The following TMIGD2 variants were observed in gnomAD, a reference collection of about 807,000 sequenced individuals.
The protein encoded by TMIGD2 is transmembrane and immunoglobulin domain-containing protein 2.
A neutral mutation model predicts 22.6 loss-of-function variants in TMIGD2; 18 were observed. That is an observed-to-expected ratio of 0.80 (90% CI 0.55 to 1.18). The LOEUF (loss-of-function observed/expected upper bound fraction) is 1.18. Among genes scored for constraint, TMIGD2 ranks in the 50% most tolerant of loss-of-function variants. The pLI is 0.00. For missense variants in TMIGD2, 361 were observed against 378.2 expected (o/e 0.95, Z 0.38); for synonymous variants, 184 against 154.1 (o/e 1.19, Z -1.44).
intron 2 of TMIGD2, among the ~76,000 whole-genome samples, chr19:4,295,509 A>G (rs1018622676): frequency 6.6e-6 from 1 of 151,470 alleles, no homozygotes; most frequent in Non-Finnish European, 1.5e-5. Flanking sequence ...GCAGTGAGCC[A>G]AGATCGAGCC....
chr19:4,299,180 T>G (rs144443874), intron 1 of TMIGD2, among the ~76,000 whole-genome samples: 1 of 152,086 alleles, frequency 6.6e-6, no homozygotes, highest in Non-Finnish European at 1.5e-5. Context: ...GGTCTGGCTC[T>G]ATAGTCCAGG....
intron 4 of TMIGD2, among the ~76,000 whole-genome samples, chr19:4,293,338 G>A (rs1029896587): frequency 1.4e-5 from 2 of 142,516 alleles, no homozygotes; most frequent in African/African-American, 5.4e-5. Context: ...TCAGCTCACT[G>A]CAGTCTCCAC....
chr19:4,296,549 T>C (rs1971462826), intron 2 of TMIGD2, among the ~76,000 whole-genome samples: 1 of 152,178 alleles, frequency 6.6e-6, no homozygotes, highest in South Asian at 2.1e-4. Context: ...TGTGTGGGGT[T>C]GGACCCGCGC....
chr19:4,298,210 T>G (rs745372491), exon 2 of TMIGD2: 1 of 1,613,230 alleles, frequency 6.2e-7, no homozygotes, highest in Non-Finnish European at 8.5e-7. Context: ...GGCCCCATCC[T>G]TTGTCCACTT....
intron 1 of TMIGD2, among the ~76,000 whole-genome samples, chr19:4,301,029 G>A (rs925946283): frequency 6.6e-6 from 1 of 152,194 alleles, no homozygotes; most frequent in African/African-American, 2.4e-5. Flanking sequence ...TGGGAGTGCA[G>A]TGGTGTGATC....
At chr19:4,298,759 A>C (rs955381948) in intron 1 of TMIGD2, among the ~76,000 whole-genome samples, 5 of 152,016 alleles carry the variant, frequency 3.3e-5, no homozygotes, top group South Asian at 2.1e-4. Context: ...TAAAAAAAAA[A>C]CCAAAGAACC....
At chr19:4,293,585 A>C (rs1317398075) in intron 4 of TMIGD2, among the ~76,000 whole-genome samples, 1 of 148,542 alleles carries the variant, frequency 6.7e-6, no homozygotes. Flanking sequence ...TTAATTTCAA[A>C]CTGTCTTTTT....
rs1971418169 is a variant in TMIGD2 at position 4,293,675 on chromosome 19, C to T, written c.563-790G>A. On this transcript the variant is annotated intron_variant, in intron 4 of 4. Transcript: ENST00000301272. ...ACAGTGGGGAAACTATAGCTCACTG[C>T]AGCCTCCGCCTCCCAGGTTCAAGCA... 2.0e-5 allele frequency among the ~76,000 whole-genome samples: 3 copies of T among 151,784 alleles called. No homozygotes were observed. The South Asian group carries it at 6.2e-4, about 32-fold the overall frequency.
In TMIGD2 at chr19:4,292,844, C is replaced by A. The variant is rs28477168; in HGVS notation, c.604G>T (p.Ala202Ser). The stretch of plus-strand genomic sequence containing the variant: ...GAGCAGTCCTCACTCTTCTTTGGGG[C>A]CCCCCGGGGCCGGTATAGGACGTTG... The change falls in exon 5 of 5, where the codon GCC becomes TCC. Residue 202 changes from alanine to serine, a missense_variant. Transcript: ENST00000301272. The A allele has an allele frequency of 1.2e-5, 20 of 1,613,414 alleles. No individual in the cohort carries two copies. The East Asian group carries it at 1.3e-4, about 11-fold the overall frequency.
exon 5 of TMIGD2, chr19:4,292,843 G>A (rs768341444): frequency 2.5e-6 from 4 of 1,613,640 alleles, no homozygotes; most frequent in Non-Finnish European, 3.4e-6. Flanking sequence ...CTTCTTTGGG[G>A]CCCCCCGGGG....
At chr19:4,294,556 C>G in intron 4 of TMIGD2, 23 bp downstream of exon 4, 1 of 1,610,328 alleles carries the variant, frequency 6.2e-7, no homozygotes, top group Non-Finnish European at 8.5e-7. Flanking sequence ...CTCCGCCCTA[C>G]CCTCCCTTAC....
intron 1 of TMIGD2, among the ~76,000 whole-genome samples, chr19:4,300,731 T>G (rs10418253): frequency 1.9e-4 from 29 of 152,226 alleles, no homozygotes; most frequent in African/African-American, 6.7e-4. Context: ...TTCCAGGCAG[T>G]GCACAGCCCA....
chr19:4,298,168 C>G, exon 2 of TMIGD2: 1 of 1,613,456 alleles, frequency 6.2e-7, no homozygotes. Flanking sequence ...CAGGCTGAGG[C>G]TGCCGTTGGT....
At chr19:4,300,782 G>A (rs925948676) in intron 1 of TMIGD2, among the ~76,000 whole-genome samples, 14 of 152,192 alleles carry the variant, frequency 9.2e-5, no homozygotes, top group Non-Finnish European at 1.6e-4. Flanking sequence ...GCGTGTTGGA[G>A]GAACAGCGAG....
intron 1 of TMIGD2, among the ~76,000 whole-genome samples, chr19:4,300,788 G>A (rs1971526526): frequency 6.6e-6 from 1 of 152,206 alleles, no homozygotes; most frequent in Non-Finnish European, 1.5e-5. Context: ...TGGAGGAACA[G>A]CGAGGAGGCC....
chr19:4,298,067 C>G, exon 2 of TMIGD2: 1 of 1,613,734 alleles, frequency 6.2e-7, no homozygotes, highest in East Asian at 2.2e-5. Context: ...CACACGTACG[C>G]CCCGCTGTGG....
At chr19:4,295,013 C>T (rs1187360450) in intron 2 of TMIGD2, among the ~76,000 whole-genome samples, 197 bp from the exon 3 acceptor site, 1 of 151,984 alleles carries the variant, frequency 6.6e-6, no homozygotes, top group African/African-American at 2.4e-5. Flanking sequence ...GTAATCCGAG[C>T]ACTCTGGGAG....
intron 1 of TMIGD2, among the ~76,000 whole-genome samples, chr19:4,300,594 G>A (rs889921071): frequency 2.6e-5 from 4 of 152,168 alleles, no homozygotes; most frequent in African/African-American, 7.2e-5. Flanking sequence ...GGGCTCATGT[G>A]ATCCTCCCAC....
At chr19:4,292,354 T>A in exon 5 of TMIGD2, 1 of 481,570 alleles carries the variant, frequency 2.1e-6, no homozygotes, top group Non-Finnish European at 3.7e-6. Context: ...GCTTTTTGTT[T>A]TTTTTGAGAC....
Sources: allele counts gnomAD v4.1 joint callset (sites outside exome capture counted in the v4.1 genomes callset), GRCh38; gene constraint gnomAD v4.1.1; transcripts MANE v1.5; gene names NCBI Gene and HGNC (gene_info 2026-07-23, HGNC 2026-07-21).